Variants in HMCN2 observed in about 807,000 individuals in gnomAD.
HMCN2 encodes hemicentin 2.
A neutral mutation model predicts 377.5 loss-of-function variants in HMCN2; 325 were observed. The ratio of observed to expected loss-of-function variants is 0.86; its 90% CI spans 0.79 to 0.94. The LOEUF (loss-of-function observed/expected upper bound fraction) is 0.94, where lower values mean the gene tolerates loss of function less well. Ranked by LOEUF, HMCN2 falls within the 40% of genes least tolerant of loss-of-function variation. The pLI is 0.00. For synonymous variants in HMCN2, 2,007 were observed against 2,046.8 expected, an observed-to-expected ratio of 0.98 and a Z score of 0.53; for missense variants, 4,543 against 4,725.3, an observed-to-expected ratio of 0.96 and a Z score of 1.13.
intron 14 of HMCN2, 130 bp downstream of exon 14, chr9:130,307,696 C>T: frequency 2.4e-6 from 1 of 421,394 alleles, no homozygotes; most frequent in Non-Finnish European, 5.0e-6. Flanking sequence ...CCCTGACCCC[C>T]AGCCAGTGTC....
At position 130,265,792 on chromosome 9, in the gene HMCN2, G is replaced by T. The variant is rs932127470; in HGVS notation, c.-87G>T. 5.1e-5 allele frequency: 14 copies of T among 274,958 alleles called. No individual in the cohort carries two copies. The highest frequency in any genetic ancestry group is 3.3e-4 in the South Asian group (11 of 33,614). 17.0% of individuals were successfully genotyped at this position (274,958 alleles called of 1,614,324 possible). ...CCGCGGCCCGACGGAGCAAGGCACTGCCTGCAGCCGCCGTGTGCACCGGGG... is the reference window on the plus strand; with the variant it reads ...CCGCGGCCCGACGGAGCAAGGCACTTCCTGCAGCCGCCGTGTGCACCGGGG... On this transcript the variant is annotated 5_prime_UTR_variant, in exon 1 of 98. Transcript: ENST00000683500.
At chr9:130,404,261 C>T (rs1464290632) in intron 80 of HMCN2, among the ~76,000 whole-genome samples, 3 of 152,166 alleles carry the variant, frequency 2.0e-5, no homozygotes, top group African/African-American at 4.8e-5. Context: ...CAGTATGGGC[C>T]GGTCATGTCT....
intron 34 of HMCN2, among the ~76,000 whole-genome samples, chr9:130,357,353 A>G (rs1249747692): frequency 6.4e-4 from 43 of 66,770 alleles, no homozygotes; most frequent in East Asian, 1.1e-3. Flanking sequence ...TGAATGGGGG[A>G]GTGGATGGAA....
At chr9:130,269,801 T>TG (rs568996185) in intron 1 of HMCN2, among the ~76,000 whole-genome samples, 1,813 of 147,438 alleles carry the variant, frequency 0.012, 189 homozygotes, top group Non-Finnish European at 0.02. Context: ...TGTTTTTTTT[T>TG]TTGTTGTTGT....
At chr9:130,327,021 C>T (rs1838170346) in intron 21 of HMCN2, among the ~76,000 whole-genome samples, 1 of 151,952 alleles carries the variant, frequency 6.6e-6, no homozygotes. Flanking sequence ...TGAAGAGAAG[C>T]CAGAGAAGGC....
At chr9:130,370,417 G>C (rs1350312119) in intron 45 of HMCN2, among the ~76,000 whole-genome samples, 1 of 147,470 alleles carries the variant, frequency 6.8e-6, no homozygotes, top group African/African-American at 2.5e-5. Flanking sequence ...ACAGGGAGTG[G>C]TAAGAGATAG....
At chr9:130,317,544 G>A (rs1837628577) in intron 15 of HMCN2, among the ~76,000 whole-genome samples, 1 of 150,114 alleles carries the variant, frequency 6.7e-6, no homozygotes, top group Non-Finnish European at 1.5e-5. Flanking sequence ...ACTCAGGCTG[G>A]AGTGCAGTGG....
chr9:130,350,734 A>AAAT (rs767172633), intron 29 of HMCN2, among the ~76,000 whole-genome samples: 4,609 of 148,462 alleles, frequency 0.031, 103 homozygotes, highest in African/African-American at 0.035. Flanking sequence ...AAAATACAAA[A>AAAT]ATATATATAT....
intron 15 of HMCN2, among the ~76,000 whole-genome samples, chr9:130,317,476 TCTCTC>T (rs1837622940): frequency 2.5e-5 from 3 of 119,018 alleles, no homozygotes; most frequent in Non-Finnish European, 5.0e-5. Flanking sequence ...CATCTCTCTC[TCTCTC>T]TCTCTCTCTC....
At chr9:130,332,455 T>C (rs1203428767) in intron 22 of HMCN2, among the ~76,000 whole-genome samples, 3 of 152,094 alleles carry the variant, frequency 2.0e-5, no homozygotes, top group Non-Finnish European at 4.4e-5. Flanking sequence ...GTCTGGCTGT[T>C]GGGATTCTAA....
chr9:130,278,246 T>C (rs1355869743), intron 1 of HMCN2, among the ~76,000 whole-genome samples: 3 of 152,102 alleles, frequency 2.0e-5, no homozygotes, highest in African/African-American at 7.2e-5. Context: ...TGCCTCAGCC[T>C]CCCGAGTAGC....
Position 130,365,728 on chromosome 9 carries a change from G to T in HMCN2, c.6505+1G>T. The T allele has an allele frequency of 1.0e-6, 1 of 985,644 alleles. No homozygotes were observed. Among genetic ancestry groups the T allele is most frequent in the Non-Finnish European group, 1.2e-6 (1 of 829,708 alleles). The allele number at this position is 985,644 out of a possible 1,614,324, so 61.1% of individuals were successfully genotyped here. ...AAACACTACAATCTGAACGTCTGGG[G>T]TGAGGGTCTCCCAGGCTGGGCAGGG... On this transcript the variant is annotated splice_donor_variant, in intron 42 of 97. Transcript: ENST00000683500. LOFTEE classifies it high-confidence loss of function.
Position 130,386,450 on chromosome 9 carries a change from A to G in HMCN2, c.9317A>G (p.Asp3106Gly), listed in dbSNP as rs956399892. 7.7e-7 allele frequency: 1 copy of G among 1,303,356 alleles called. No individual in the cohort carries two copies. The highest frequency in any genetic ancestry group is 1.5e-5 in the African/African-American group (1 of 65,830). The allele number at this position is 1,303,356 out of a possible 1,614,324, so 80.7% of individuals were successfully genotyped here. Residue 3106 changes from aspartate (D) to glycine (G), a missense_variant, in exon 61 of 98, where the codon GAT (aspartate) becomes GGT (glycine). By Grantham distance (94) the Asp-to-Gly change is moderately conservative (BLOSUM62 -1). Coordinates refer to ENST00000683500, the MANE Select transcript of HMCN2 (RefSeq NM_001291815.2). Reference protein sequence around the residue: ...RLEIQEAQVSDKGLYSCKVSN... With the variant: ...RLEIQEAQVSGKGLYSCKVSN... ...GTGCTCTTCCTCTTTCAGGTATCGG[A>G]TAAAGGTTTATACAGCTGTAAAGTC...
chr9:130,431,528 A>AG, intron 96 of HMCN2, 42 bp downstream of exon 96: 13 of 1,538,090 alleles, frequency 8.5e-6, no homozygotes, highest in Non-Finnish European at 1.1e-5. Context: ...CCGTGGGGCT[A>AG]GGGCAGGCAG....
chr9:130,413,753 G>A lies in HMCN2; in HGVS notation c.12961+3101G>A, dbSNP rs982916810. On this transcript the variant is annotated intron_variant, in intron 85 of 97. Coordinates refer to ENST00000683500, the MANE Select transcript of HMCN2 (RefSeq NM_001291815.2). The stretch of plus-strand genomic sequence containing the variant: ...CGCATGTGCACGTGCGCACACACAC[G>A]CACACACACACACGGGGGCATGTGC... Among the ~76,000 whole-genome samples, 6 of 151,494 alleles carry A rather than the reference G, an allele frequency of 4.0e-5. No individual in the cohort carries two copies. In the South Asian group the frequency reaches 6.3e-4, roughly 16 times the overall value.
rs895601240 is a variant in HMCN2, at chr9:130,364,934, A to T, written c.6408+45A>T. On this transcript the variant is annotated intron_variant, in intron 41 of 97. Transcript: ENST00000683500. Reference sequence around the variant, plus strand: ...GCCAAGCAGGCCTCCACCTCGGCCCAAGGGCAGGGTGGGGCCTGCAGGTGC... The same window carrying T: ...GCCAAGCAGGCCTCCACCTCGGCCCTAGGGCAGGGTGGGGCCTGCAGGTGC... 3 of 979,188 alleles carry T rather than the reference A, an allele frequency of 3.1e-6. No individual in the cohort carries two copies. The African/African-American group carries it at 5.3e-5, about 17-fold the overall frequency. 60.7% of individuals were successfully genotyped at this position (979,188 alleles called of 1,614,324 possible). A position where few individuals can be genotyped will look rare whatever the true frequency, so the allele number is the denominator to read the frequency against.
intron 86 of HMCN2, chr9:130,419,717 G>A (rs79510873): frequency 0.018 from 2,697 of 146,436 alleles, 36 homozygotes; most frequent in East Asian, 0.068. Context: ...CACTCCCTAT[G>A]TGTGGCGATG....
At chr9:130,285,393 T>C (rs1398430182) in intron 3 of HMCN2, 77 bp downstream of exon 3, 5 of 447,440 alleles carry the variant, frequency 1.1e-5, no homozygotes, top group South Asian at 8.2e-5. Flanking sequence ...TCTCACCACC[T>C]GAGCCACCTC....
intron 77 of HMCN2, among the ~76,000 whole-genome samples, chr9:130,402,161 T>A (rs1842880150): frequency 6.6e-6 from 1 of 152,246 alleles, no homozygotes; most frequent in South Asian, 2.1e-4. Flanking sequence ...CAAACCACAG[T>A]TCTGGTTCCA....
Sources: gnomAD v4.1 joint callset for allele counts (sites outside exome capture counted in the v4.1 genomes callset) on GRCh38, gnomAD v4.1.1 for gene constraint, MANE v1.5 for transcripts, NCBI Gene and HGNC (gene_info 2026-07-23, HGNC 2026-07-21) for gene names.